The following HSD17B12 variants were observed in gnomAD, a reference collection of about 807,000 sequenced individuals.
HSD17B12 encodes the protein very-long-chain 3-oxoacyl-CoA reductase.
Under a neutral mutation model 39.3 loss-of-function variants are expected in HSD17B12, and 32 were observed. That is an observed-to-expected ratio of 0.81 (90% CI 0.61 to 1.09). HSD17B12 has a LOEUF of 1.09. Ranked by LOEUF, HSD17B12 falls within the 50% of genes least tolerant of loss-of-function variation. HSD17B12 has a pLI of 0.00. For missense variants in HSD17B12, 342 were observed against 382.9 expected, an observed-to-expected ratio of 0.89 and a Z score of 0.89; for synonymous variants, 150 against 146.7, an observed-to-expected ratio of 1.02 and a Z score of -0.16.
intron 4 of HSD17B12, among the ~76,000 whole-genome samples, chr11:43,811,182 C>T (rs984744318): frequency 6.6e-6 from 1 of 152,142 alleles, no homozygotes; most frequent in Non-Finnish European, 1.5e-5. Context: ...AATAAAATTG[C>T]CGTGGGTTTG....
At chr11:43,779,076 T>G (rs10838165) in intron 3 of HSD17B12, among the ~76,000 whole-genome samples, 54,698 of 152,058 alleles carry the variant, frequency 0.36, 10,566 homozygotes, top group East Asian at 0.68. Flanking sequence ...TTAATGAGGT[T>G]CATCTCAAAT....
At chr11:43,605,730 G>A in the HSD17B12 span, among the ~76,000 whole-genome samples, 1 of 152,170 alleles carries the variant, frequency 6.6e-6, no homozygotes, top group South Asian at 2.1e-4. Flanking sequence ...TAACAAAACA[G>A]AGTATACCAG....
intron 1 of HSD17B12, among the ~76,000 whole-genome samples, chr11:43,733,448 T>C (rs1478974197): frequency 1.3e-5 from 2 of 152,230 alleles, no homozygotes; most frequent in African/African-American, 4.8e-5. Flanking sequence ...AAGTATCTGC[T>C]ACTGTGTTTG....
intron 3 of HSD17B12, among the ~76,000 whole-genome samples, chr11:43,776,820 ATAT>A (rs1950709710): frequency 6.6e-6 from 1 of 152,182 alleles, no homozygotes; most frequent in South Asian, 2.1e-4. Context: ...AGCTTTCTAC[ATAT>A]GGCTAGCCAG....
At chr11:43,719,267 T>G (rs909131834) in intron 1 of HSD17B12, 2 of 499,662 alleles carry the variant, frequency 4.0e-6, no homozygotes, top group Non-Finnish European at 7.3e-6. Flanking sequence ...CAGGGCTTGG[T>G]CAAGACTCTT....
the HSD17B12 span, among the ~76,000 whole-genome samples, chr11:43,658,016 G>A: frequency 5.3e-5 from 8 of 152,238 alleles, no homozygotes; most frequent in East Asian, 1.9e-4. Context: ...CATTCTCCCC[G>A]TCACTTTCAG....
chr11:43,564,388 A>T, the HSD17B12 span, among the ~76,000 whole-genome samples: 1 of 152,208 alleles, frequency 6.6e-6, no homozygotes, highest in African/African-American at 2.4e-5. Context: ...TTGGGAAATG[A>T]TATAAGGGAC....
intron 6 of HSD17B12, among the ~76,000 whole-genome samples, chr11:43,824,960 A>T (rs1951219207): frequency 6.6e-6 from 1 of 152,074 alleles, no homozygotes; most frequent in Non-Finnish European, 1.5e-5. Context: ...GCGAGACCCC[A>T]TCTCTATCAA....
the HSD17B12 span, among the ~76,000 whole-genome samples, chr11:43,626,877 C>T: frequency 6.6e-6 from 1 of 151,956 alleles, no homozygotes; most frequent in African/African-American, 2.4e-5. Flanking sequence ...ATGCAAAGGA[C>T]ATTTTCATAC....
In HSD17B12 at chr11:43,807,049, C is replaced by T. The variant is rs546374136; in HGVS notation, c.392-8388C>T. Among the ~76,000 whole-genome samples the T allele has an allele frequency of 3.3e-5, 5 of 152,192 alleles. No individual in the cohort carries two copies. The East Asian group carries it at 9.7e-4, about 29-fold the overall frequency. ...AATTCCAGTGGTTTAAAACCTCCAT[C>T]CTATTAACAAAGATCAGACAAAATG... is the stretch of plus-strand genomic sequence containing the variant. On this transcript the variant is annotated intron_variant, in intron 4 of 10. Coordinates refer to ENST00000278353, the MANE Select transcript of HSD17B12 (RefSeq NM_016142.3).
intron 1 of HSD17B12, among the ~76,000 whole-genome samples, chr11:43,732,781 TTAAC>T (rs1950281427): frequency 6.6e-6 from 1 of 152,184 alleles, no homozygotes; most frequent in Non-Finnish European, 1.5e-5. Flanking sequence ...ACGTTATTAA[TTAAC>T]TAATTAATTA....
At chr11:43,785,212 T>C (rs181909105) in intron 3 of HSD17B12, among the ~76,000 whole-genome samples, 112 of 152,208 alleles carry the variant, frequency 7.4e-4, no homozygotes, top group Middle Eastern at 3.4e-3. Context: ...CTTGACCAAG[T>C]AGTGTGTGTA....
At chr11:43,829,822 TATAATACTTTAGCTAAGC>T (rs1032818397) in intron 6 of HSD17B12, 3 of 152,164 alleles carry the variant, frequency 2.0e-5, no homozygotes, top group Non-Finnish European at 4.4e-5. Context: ...GGGAACTCTT[TATAATACTTTAGCTAAGC>T]ATTATGGTCC....
At position 43,721,442 on chromosome 11, in the gene HSD17B12, C is replaced by A. The variant is rs1220375470; in HGVS notation, c.161-29469C>A. On this transcript the variant is annotated intron_variant, in intron 1 of 10. Transcript: ENST00000278353. ...GACCATCCTGGCTAACATGGTGAAA[C>A]CCCATCTCTACTAAAAATACAAAAA... is the stretch of plus-strand genomic sequence containing the variant. Among the ~76,000 whole-genome samples, 5 of 152,038 alleles carry A rather than the reference C, an allele frequency of 3.3e-5. 1 individual carries two copies. The highest frequency in any genetic ancestry group is 7.4e-5 in the Non-Finnish European group (5 of 68,002).
chr11:43,783,319 C>A (rs569209970), intron 3 of HSD17B12, among the ~76,000 whole-genome samples: 1 of 151,472 alleles, frequency 6.6e-6, no homozygotes, highest in East Asian at 1.9e-4. Flanking sequence ...GCAGTAAGTA[C>A]ATACTAAGGC....
chr11:43,801,595 G>GATATAT (rs55674379), intron 4 of HSD17B12, among the ~76,000 whole-genome samples: 889 of 72,206 alleles, frequency 0.012, 4 homozygotes, highest in East Asian at 0.028. Flanking sequence ...GATAGTTGGA[G>GATATAT]ATATATATAT....
chr11:43,730,803 G>A (rs1161699432), intron 1 of HSD17B12, among the ~76,000 whole-genome samples: 1 of 152,066 alleles, frequency 6.6e-6, no homozygotes, highest in Non-Finnish European at 1.5e-5. Context: ...TAAAGAAAAG[G>A]TAGTTATTCA....
At chr11:43,571,596 C>T in the HSD17B12 span, among the ~76,000 whole-genome samples, 3 of 152,184 alleles carry the variant, frequency 2.0e-5, no homozygotes, top group Middle Eastern at 3.4e-3. Context: ...GTTTGCCCAT[C>T]GATAATGGGG....
chr11:43,656,252 T>A, the HSD17B12 span, among the ~76,000 whole-genome samples: 1 of 152,194 alleles, frequency 6.6e-6, no homozygotes, highest in African/African-American at 2.4e-5. Context: ...ATTTCCCCCC[T>A]TTGTAATTTT....
Sources: allele counts gnomAD v4.1 joint callset (sites outside exome capture counted in the v4.1 genomes callset), GRCh38; gene constraint gnomAD v4.1.1; transcripts MANE v1.5; gene names NCBI Gene and HGNC (gene_info 2026-07-23, HGNC 2026-07-21).